TCF7L2: variants seen among roughly 807,000 people sequenced by gnomAD.
TCF7L2 encodes transcription factor 7-like 2.
A neutral mutation model predicts 77.9 loss-of-function variants in TCF7L2; 23 were observed. The observed-to-expected ratio is 0.30, with a 90% CI of 0.21 to 0.42. The LOEUF (loss-of-function observed/expected upper bound fraction) is 0.42. Ranked by LOEUF, TCF7L2 falls within the 10% of genes least tolerant of loss-of-function variation. The pLI is 1.00. For missense variants in TCF7L2, 654 were observed against 793.1 expected (o/e 0.82, Z 2.11); for synonymous variants, 413 against 340.2 (o/e 1.21, Z -2.36).
chr10:113,108,675 G>A (rs2062733229), intron 5 of TCF7L2, among the ~76,000 whole-genome samples: 2 of 152,184 alleles, frequency 1.3e-5, no homozygotes. Flanking sequence ...CAGTATGGAC[G>A]TGGTATTCCC....
intron 5 of TCF7L2, among the ~76,000 whole-genome samples, chr10:113,117,232 C>G (rs1049796468): frequency 1.3e-5 from 2 of 152,122 alleles, no homozygotes; most frequent in Non-Finnish European, 2.9e-5. Context: ...CTAAGTATAA[C>G]AAATTGTTTC....
intron 5 of TCF7L2, among the ~76,000 whole-genome samples, chr10:113,068,852 C>T (rs1208511346): frequency 5.9e-5 from 9 of 152,068 alleles, no homozygotes; most frequent in Admixed American, 5.2e-4. Flanking sequence ...AGACCCCTTC[C>T]AACTCTTGGA....
intron 13 of TCF7L2, 89 bp from the exon 15 acceptor site, chr10:113,165,447 CTGTGGGACATCCCTTAGGT>C: frequency 7.9e-7 from 1 of 1,265,530 alleles, no homozygotes; most frequent in South Asian, 1.4e-5. Context: ...CGTGCCACCT[CTGTGGGACATCCCTTAGGT>C]GACCTCAGCT....
At chr10:112,993,635 T>C (rs1452062904) in intron 4 of TCF7L2, among the ~76,000 whole-genome samples, 1 of 152,236 alleles carries the variant, frequency 6.6e-6, no homozygotes, top group African/African-American at 2.4e-5. Flanking sequence ...CTGTAAGTTA[T>C]CCCAGCAAGC....
intron 4 of TCF7L2, among the ~76,000 whole-genome samples, chr10:112,993,800 T>C (rs896667869): frequency 2.0e-5 from 3 of 152,194 alleles, no homozygotes; most frequent in Non-Finnish European, 4.4e-5. Context: ...CTTACGCCTG[T>C]AATCCTAGCA....
At chr10:112,966,636 C>A (rs2036976230) in intron 4 of TCF7L2, among the ~76,000 whole-genome samples, 1 of 152,116 alleles carries the variant, frequency 6.6e-6, no homozygotes, top group Admixed American at 6.5e-5. Flanking sequence ...TGTGGAAAGG[C>A]TGGCTGGGGC....
At chr10:113,000,308 TC>T (rs1378875693) in intron 4 of TCF7L2, among the ~76,000 whole-genome samples, 1 of 152,130 alleles carries the variant, frequency 6.6e-6, no homozygotes, top group East Asian at 1.9e-4. Context: ...TTTGTCTAAT[TC>T]ACTACCCAGG....
intron 7 of TCF7L2, among the ~76,000 whole-genome samples, chr10:113,145,059 A>T (rs1316467498): frequency 1.3e-5 from 2 of 151,332 alleles, no homozygotes; most frequent in African/African-American, 4.9e-5. Flanking sequence ...AAAATTTTGG[A>T]GTGGCTTACC....
intron 5 of TCF7L2, among the ~76,000 whole-genome samples, chr10:113,042,444 C>T (rs1045525307): frequency 6.6e-6 from 1 of 152,104 alleles, no homozygotes; most frequent in African/African-American, 2.4e-5. Flanking sequence ...GGAAGGTGGG[C>T]TCTGGGAGCC....
chr10:112,980,970 C>T (rs929311216), intron 4 of TCF7L2, among the ~76,000 whole-genome samples: 1 of 152,152 alleles, frequency 6.6e-6, no homozygotes, highest in Non-Finnish European at 1.5e-5. Flanking sequence ...CAAGAGTTTC[C>T]TGTTAATTAA....
intron 4 of TCF7L2, among the ~76,000 whole-genome samples, chr10:112,985,207 A>G (rs1328682156): frequency 6.6e-6 from 1 of 152,176 alleles, no homozygotes; most frequent in East Asian, 1.9e-4. Flanking sequence ...TTTCACTTCT[A>G]GGGAAGGCAA....
At position 113,152,458 on chromosome 10, in the gene TCF7L2, G is replaced by A. The variant is rs367940722; in HGVS notation, c.1269+18G>A. 7.5e-6 allele frequency: 12 copies of A among 1,594,430 alleles called. No homozygotes were observed. Among genetic ancestry groups the A allele is most frequent in the African/African-American group, 4.0e-5 (3 of 74,630 alleles). The stretch of plus-strand genomic sequence containing the variant: ...ATAACTATGTAGGTGGATCATTTTC[G>A]TTAGGATTGGAGTCTGTAGAGCTGT... On this transcript the variant is annotated intron_variant, in intron 11 of 13. Transcript: ENST00000627217.
chr10:113,153,195 C>T (rs2071123746), intron 11 of TCF7L2, among the ~76,000 whole-genome samples: 1 of 152,238 alleles, frequency 6.6e-6, no homozygotes, highest in Non-Finnish European at 1.5e-5. Flanking sequence ...CCCCACGATT[C>T]CTCTCCTCCC....
chr10:112,966,184 T>TTATATATATATATATATATATATATA lies in TCF7L2; in HGVS notation c.450+1562_450+1587dup, dbSNP rs141060651. Among the ~76,000 whole-genome samples, 96 of 114,182 alleles carry TTATATATATATATATATATATATATA rather than the reference T, an allele frequency of 8.4e-4. 1 individual carries two copies. Among genetic ancestry groups the TTATATATATATATATATATATATATA allele is most frequent in the African/African-American group, 4.1e-3 (87 of 20,974 alleles). The allele number at this position is 114,182 out of a possible 152,430, so 74.9% of individuals were successfully genotyped here. On this transcript the variant is annotated intron_variant, in intron 4 of 13. Coordinates refer to ENST00000627217, the MANE Select transcript of TCF7L2 (RefSeq NM_001146274.2). ...GAGTGAGACTCTGTCTAAAATATAT[T>TTATATATATATATATATATATATATA]TATATATATATATATATATATATAT...
rs993933133 is a variant in TCF7L2 at position 113,167,508 on chromosome 10, T to C, written c.*1536T>C. ...TAACTATAACATTTTTTGTGAATACTTTGAATGTTTCCTAACAGTTGTGAT... is the reference window on the plus strand; with the variant it reads ...TAACTATAACATTTTTTGTGAATACCTTGAATGTTTCCTAACAGTTGTGAT... On this transcript the variant is annotated 3_prime_UTR_variant, in exon 14 of 14. Coordinates refer to ENST00000627217, the MANE Select transcript of TCF7L2 (RefSeq NM_001146274.2). The C allele has an allele frequency of 4.6e-5, 10 of 218,992 alleles. No homozygotes were observed. The highest frequency in any genetic ancestry group is 2.0e-4 in the African/African-American group (9 of 44,530). The allele number at this position is 218,992 out of a possible 1,614,324, so 13.6% of individuals were successfully genotyped here.
At chr10:113,096,246 A>G (rs899030703) in intron 5 of TCF7L2, among the ~76,000 whole-genome samples, 4 of 152,290 alleles carry the variant, frequency 2.6e-5, no homozygotes, top group African/African-American at 4.8e-5. Context: ...TCAGATAGCA[A>G]TCCCTTTTAT....
chr10:113,016,741 T>C (rs1374724924), intron 4 of TCF7L2, among the ~76,000 whole-genome samples: 1 of 152,030 alleles, frequency 6.6e-6, no homozygotes, highest in Non-Finnish European at 1.5e-5. Flanking sequence ...GGCTTTTTTT[T>C]TTTAAAGGAA....
intron 11 of TCF7L2, among the ~76,000 whole-genome samples, chr10:113,153,415 C>T (rs2071177262): frequency 1.3e-5 from 2 of 152,240 alleles, no homozygotes; most frequent in South Asian, 4.1e-4. Flanking sequence ...CGGCACAGGC[C>T]TCTCATCCCC....
rs188349619 is a variant in TCF7L2, at chr10:112,977,255, G to A, written c.450+12631G>A. The stretch of plus-strand genomic sequence containing the variant: ...CCAAGGCTTGAAAATGGATGTGTGT[G>A]ATAGTAGCCCATTCTAGGGGTACTG... On this transcript the variant is annotated intron_variant, in intron 4 of 13. Coordinates refer to ENST00000627217, the MANE Select transcript of TCF7L2 (RefSeq NM_001146274.2). 2.2e-3 allele frequency among the ~76,000 whole-genome samples: 330 copies of A among 152,280 alleles called. 1 individual carries two copies. The highest frequency in any genetic ancestry group is 3.4e-3 in the Middle Eastern group (1 of 294).
Sources: gnomAD v4.1 joint callset for allele counts (sites outside exome capture counted in the v4.1 genomes callset) on GRCh38, gnomAD v4.1.1 for gene constraint, MANE v1.5 for transcripts, NCBI Gene and HGNC (gene_info 2026-07-23, HGNC 2026-07-21) for gene names.